COL18A1: variants seen among roughly 807,000 people sequenced by gnomAD.
COL18A1 encodes collagen type XVIII alpha 1 chain.
A neutral mutation model predicts 168.0 loss-of-function variants in COL18A1; 133 were observed. The observed-to-expected ratio is 0.79, with a 90% CI of 0.69 to 0.91. The LOEUF (loss-of-function observed/expected upper bound fraction) is 0.91, where lower values mean the gene tolerates loss of function less well. COL18A1 is among the 40% of genes least tolerant of loss of function. The pLI is 0.00. For synonymous variants in COL18A1, 949 were observed against 809.0 expected (o/e 1.17, Z -2.94); for missense variants, 2,126 against 1,925.4 (o/e 1.10, Z -1.95).
Position 45,504,460 on chromosome 21 carries a change from G to A in COL18A1, c.2772G>A (p.Arg924=), listed in dbSNP as rs556346113. The A allele has an allele frequency of 4.8e-5, 77 of 1,610,664 alleles. No individual in the cohort carries two copies. The South Asian group carries it at 5.2e-4, about 11-fold the overall frequency. The change falls in exon 34 of 42, where the codon AGG becomes AGA. Residue 924 remains arginine (R), a synonymous_variant. Transcript: ENST00000651438. ...GTGATGCAGGACAGAAAGGCGAAAGGGGGGAGCCCGGGGGCGGCGGTTTCT... is the reference window on the plus strand; with the variant it reads ...GTGATGCAGGACAGAAAGGCGAAAGAGGGGAGCCCGGGGGCGGCGGTTTCT... ...DRGDAGQKGE[R]GEPGGGGFFG...
At chr21:45,475,407 C>T in intron 4 of COL18A1, 69 bp from the exon 5 acceptor site, 1 of 1,431,202 alleles carries the variant, frequency 7.0e-7, no homozygotes, top group South Asian at 1.2e-5. Flanking sequence ...CTTTGCTTCC[C>T]AGGCCTGCCG....
chr21:45,452,934 A>ATT (rs2034671307), intron 2 of COL18A1, among the ~76,000 whole-genome samples: 1 of 151,584 alleles, frequency 6.6e-6, no homozygotes, highest in African/African-American at 2.4e-5. Context: ...TTCACATGTG[A>ATT]CATGTGAGCA....
At chr21:45,453,213 C>T (rs917412682) in intron 2 of COL18A1, among the ~76,000 whole-genome samples, 10 of 152,138 alleles carry the variant, frequency 6.6e-5, no homozygotes, top group Admixed American at 1.3e-4. Flanking sequence ...GACATGTGAG[C>T]ATGTATGTAC....
In COL18A1 at chr21:45,484,883, A is replaced by G. The variant is rs187337374; in HGVS notation, c.1702-1978A>G. ...AAATTAGATATGCATGTATGAAAAT[A>G]ATGAAAGTTTTAAAAAAACAAAAAT... On this transcript the variant is annotated intron_variant, in intron 15 of 41. Transcript: ENST00000651438. Among the ~76,000 whole-genome samples the G allele has an allele frequency of 9.2e-5, 14 of 152,374 alleles. No individual in the cohort carries two copies. In the East Asian group the frequency reaches 1.3e-3, roughly 15 times the overall value.
chr21:45,490,252 C>A, intron 19 of COL18A1, 23 bp from the exon 20 acceptor site: 1 of 1,560,476 alleles, frequency 6.4e-7, no homozygotes, highest in Non-Finnish European at 8.7e-7. Flanking sequence ...CAATGCCCTG[C>A]GTCCTCCATG....
chr21:45,407,162 C>A (rs1440122826), intron 2 of COL18A1, among the ~76,000 whole-genome samples: 1 of 152,220 alleles, frequency 6.6e-6, no homozygotes, highest in East Asian at 1.9e-4. Context: ...ACCAAGTCCC[C>A]CTGAAATGGG....
intron 2 of COL18A1, among the ~76,000 whole-genome samples, chr21:45,435,577 G>A (rs1046106720): frequency 5.9e-5 from 9 of 152,202 alleles, no homozygotes; most frequent in South Asian, 2.1e-4. Context: ...TGGGAGGCAC[G>A]GGCAGGGCCA....
chr21:45,511,334 C>T (rs2037597208), intron 41 of COL18A1, 108 bp downstream of exon 41: 1 of 705,308 alleles, frequency 1.4e-6, no homozygotes, highest in Non-Finnish European at 2.6e-6. Context: ...AAATCTTATA[C>T]ATGCTCATTA....
Position 45,454,280 on chromosome 21 carries a change from C to A in COL18A1, c.107-13962C>A, listed in dbSNP as rs537600814. ...GTGGACAGCAATCGACCGATGGCTA[C>A]AGCATGTCCTGACCTGGGGACAGCT... On this transcript the variant is annotated intron_variant, in intron 2 of 41. Coordinates refer to ENST00000651438, the MANE Select transcript of COL18A1 (RefSeq NM_001379500.1). 1.6e-3 allele frequency among the ~76,000 whole-genome samples: 239 copies of A among 152,284 alleles called. 1 individual carries two copies. Among genetic ancestry groups the A allele is most frequent in the African/African-American group, 5.6e-3 (231 of 41,558 alleles).
At chr21:45,465,953 G>T (rs923870788) in intron 2 of COL18A1, among the ~76,000 whole-genome samples, 1 of 152,178 alleles carries the variant, frequency 6.6e-6, no homozygotes, top group East Asian at 1.9e-4. Flanking sequence ...GTGGGTGAAC[G>T]CGGCTCTTGG....
chr21:45,476,425 G>A lies in COL18A1; in HGVS notation c.873G>A (p.Thr291=), dbSNP rs183924183. 204 of 1,614,114 alleles carry A rather than the reference G, an allele frequency of 1.3e-4. No homozygotes were observed. Among genetic ancestry groups the A allele is most frequent in the East Asian group, 4.7e-4 (21 of 44,884 alleles). The change falls in exon 6 of 42, where the codon ACG becomes ACA. Residue 291 remains threonine (T), a synonymous_variant. Transcript: ENST00000651438. ...TTPPLAGGSS[T]EDSRSEEVEE... ...CACCCTTGGCTGGAGGCAGCAGCAC[G>A]GAAGATTCCAGAAGTGAAGAAGTCG...
rs1458664567 is a variant in COL18A1 at position 45,495,425 on chromosome 21, G to T, written c.2501G>T (p.Gly834Val). ...CCGGGAGATGCCAGCCTTGGATTTG[G>T]CATGAGGGTGAGTGTCTCTCAAGGG... is the stretch of plus-strand genomic sequence containing the variant. ...GEPGDASLGF[G>V]MRGMPGPPGP... The change falls in exon 29 of 42, where the codon GGC (glycine) becomes GTC (valine). Residue 834 changes from glycine (G) to valine (V), a missense_variant. Transcript: ENST00000651438. 1.1e-5 allele frequency: 18 copies of T among 1,609,148 alleles called. No homozygotes were observed. The Admixed American group carries it at 3.0e-4, about 27-fold the overall frequency.
At position 45,472,019 on chromosome 21, in the gene COL18A1, C is replaced by G. The variant is rs543505298; in HGVS notation, c.652-1876C>G. The stretch of plus-strand genomic sequence containing the variant: ...CCCCCACCCAGGCACCCTGTAGCCC[C>G]GTGCAGGAGGCGTCGGCCCCTCGGG... On this transcript the variant is annotated intron_variant, in intron 3 of 41. Coordinates refer to ENST00000651438, the MANE Select transcript of COL18A1 (RefSeq NM_001379500.1). Among the ~76,000 whole-genome samples the G allele has an allele frequency of 3.9e-5, 6 of 152,292 alleles. No homozygotes were observed. In the South Asian group the frequency reaches 1.2e-3, roughly 32 times the overall value.
chr21:45,478,510 T>C (rs1241597712), intron 9 of COL18A1, among the ~76,000 whole-genome samples, 157 bp downstream of exon 9: 1 of 152,242 alleles, frequency 6.6e-6, no homozygotes. Context: ...AAAAGATGAG[T>C]GTAACTGTTG....
At chr21:45,486,466 G>A (rs1289121826) in intron 15 of COL18A1, among the ~76,000 whole-genome samples, 8 of 99,966 alleles carry the variant, frequency 8.0e-5, no homozygotes, top group Non-Finnish European at 1.4e-4. Flanking sequence ...TTTTCCCCTC[G>A]CCTGCCCGGG....
At chr21:45,427,657 A>G (rs1490741927) in intron 2 of COL18A1, among the ~76,000 whole-genome samples, 2 of 152,136 alleles carry the variant, frequency 1.3e-5, no homozygotes, top group Non-Finnish European at 2.9e-5. Context: ...GTCTCTGTGC[A>G]TGCTTGTGCG....
At position 45,446,068 on chromosome 21, in the gene COL18A1, T is replaced by C. The variant is rs140126570; in HGVS notation, c.107-22174T>C. 3.4e-3 allele frequency among the ~76,000 whole-genome samples: 513 copies of C among 152,352 alleles called. 3 individuals are homozygous for C. The highest frequency in any genetic ancestry group is 0.012 in the African/African-American group (494 of 41,564). On this transcript the variant is annotated intron_variant, in intron 2 of 41. Coordinates refer to ENST00000651438, the MANE Select transcript of COL18A1 (RefSeq NM_001379500.1). ...TTCAAAAGTTTTTTTATTTTAGCTC[T>C]TTTATTTAAGAGCTAAAATAAAAAT...
At position 45,463,397 on chromosome 21, in the gene COL18A1, T is replaced by C. The variant is rs1602443667; in HGVS notation, c.107-4845T>C. Among the ~76,000 whole-genome samples, 1 of 151,924 alleles carries C rather than the reference T, an allele frequency of 6.6e-6. No individual in the cohort carries two copies. The highest frequency in any genetic ancestry group is 6.6e-5 in the Admixed American group (1 of 15,250). On this transcript the variant is annotated intron_variant, in intron 2 of 41. Coordinates refer to ENST00000651438, the MANE Select transcript of COL18A1 (RefSeq NM_001379500.1). This position sits in a 1 kb window ranked among gnomAD's most constrained non-coding sequence, Gnocchi z 4.0. ...GCTGCTATTGTGCCAAGAGCTGGGG[T>C]TTAGCTAAATTAACCACCCGTTACC...
chr21:45,484,003 C>G (rs1413884161), intron 15 of COL18A1, among the ~76,000 whole-genome samples: 1 of 147,834 alleles, frequency 6.8e-6, no homozygotes, highest in Admixed American at 6.7e-5. Context: ...CATGCACACA[C>G]ACCTCTCCAG....
Sources: allele counts gnomAD v4.1 joint callset (sites outside exome capture counted in the v4.1 genomes callset), GRCh38; gene constraint gnomAD v4.1.1; non-coding constraint Gnocchi (gnomAD v3.1); transcripts MANE v1.5; gene names NCBI Gene and HGNC (gene_info 2026-07-23, HGNC 2026-07-21).